Variants in SLC4A10 observed in about 807,000 individuals in gnomAD.
The protein encoded by SLC4A10 is solute carrier family 4 member 10.
SLC4A10 carries 42 observed loss-of-function variants against 137.7 expected under a neutral mutation model. The ratio of observed to expected loss-of-function variants is 0.30; its 90% confidence interval spans 0.24 to 0.39. SLC4A10 has a LOEUF of 0.39. Among genes scored for constraint, SLC4A10 ranks in the 10% least tolerant of loss-of-function variants. The pLI, the probability that SLC4A10 is intolerant of heterozygous loss-of-function variation, is 1.00. For synonymous variants in SLC4A10, 474 were observed against 464.1 expected (o/e 1.02, Z -0.27); for missense variants, 925 against 1,355.0 (o/e 0.68, Z 4.98).
intron 11 of SLC4A10, among the ~76,000 whole-genome samples, chr2:161,898,094 G>A (rs947632134): frequency 6.6e-6 from 1 of 152,050 alleles, no homozygotes; most frequent in Non-Finnish European, 1.5e-5. Flanking sequence ...CAAAGCATCC[G>A]AGTTCTGCAA....
chr2:161,635,710 A>G (rs906056500), intron 1 of SLC4A10, among the ~76,000 whole-genome samples: 1 of 152,138 alleles, frequency 6.6e-6, no homozygotes, highest in Non-Finnish European at 1.5e-5. Context: ...GTTTTAGTTG[A>G]AAGTTTGCTA....
intron 15 of SLC4A10, among the ~76,000 whole-genome samples, chr2:161,941,192 C>G: frequency 6.6e-6 from 1 of 152,106 alleles, no homozygotes; most frequent in Admixed American, 6.6e-5. Context: ...AACATTTCAC[C>G]AGAGGCTCAA....
intron 15 of SLC4A10, among the ~76,000 whole-genome samples, chr2:161,913,865 A>G (rs1686461011): frequency 6.6e-6 from 1 of 152,186 alleles, no homozygotes; most frequent in Admixed American, 6.5e-5. Flanking sequence ...TGATAATTTT[A>G]CATAGGATAT....
chr2:161,825,063 A>C (rs1280970243), intron 3 of SLC4A10, among the ~76,000 whole-genome samples: 1 of 152,144 alleles, frequency 6.6e-6, no homozygotes, highest in Non-Finnish European at 1.5e-5. Flanking sequence ...TCTCCAGTTT[A>C]TTGTAAAAAT....
chr2:161,627,245 T>A (rs1181265782), intron 1 of SLC4A10, among the ~76,000 whole-genome samples: 1 of 152,096 alleles, frequency 6.6e-6, no homozygotes, highest in Non-Finnish European at 1.5e-5. Context: ...TTATGAGAAG[T>A]GGCTTGTCAG....
At chr2:161,890,718 C>T (rs763543411) in intron 10 of SLC4A10, among the ~76,000 whole-genome samples, 6 of 152,178 alleles carry the variant, frequency 3.9e-5, no homozygotes, top group Non-Finnish European at 7.3e-5. Context: ...GAATACAGCA[C>T]ACCAATGGGT....
intron 21 of SLC4A10, among the ~76,000 whole-genome samples, chr2:161,960,384 A>G (rs1178431003): frequency 2.7e-5 from 4 of 150,236 alleles, no homozygotes; most frequent in Admixed American, 6.6e-5. Context: ...AAAAAAAAAA[A>G]AAGAAGAGGG....
At chr2:161,635,265 T>G (rs1333216220) in intron 1 of SLC4A10, among the ~76,000 whole-genome samples, 15 of 152,074 alleles carry the variant, frequency 9.9e-5, no homozygotes. Flanking sequence ...CCCTCAAAAT[T>G]GCCCTTGTTT....
chr2:161,985,018 G>T lies in SLC4A10; in HGVS notation c.*1866G>T, dbSNP rs1281509152. On this transcript the variant is annotated 3_prime_UTR_variant, in exon 27 of 27. Transcript: ENST00000446997. The stretch of plus-strand genomic sequence containing the variant: ...TTCTGAGTATTTTTATAGTCATTTT[G>T]TTCTTGTGTGAATTTTAAAGCTATC... 4 of 151,940 alleles carry T rather than the reference G, an allele frequency of 2.6e-5. No homozygotes were observed. Among genetic ancestry groups the T allele is most frequent in the African/African-American group, 4.8e-5 (2 of 41,512 alleles). 9.4% of individuals were successfully genotyped at this position (151,940 alleles called of 1,614,324 possible).
intron 1 of SLC4A10, among the ~76,000 whole-genome samples, chr2:161,690,896 A>G (rs1373595637): frequency 2.0e-5 from 3 of 152,120 alleles, no homozygotes; most frequent in Admixed American, 6.6e-5. Flanking sequence ...GCACCCATTT[A>G]CCTGTGTAAC....
intron 1 of SLC4A10, among the ~76,000 whole-genome samples, chr2:161,767,489 T>A (rs1410110871): frequency 6.6e-6 from 1 of 151,672 alleles, no homozygotes; most frequent in Middle Eastern, 3.2e-3. Flanking sequence ...AGCAGTAAAC[T>A]AATCAGAAAA....
chr2:161,962,666 A>G (rs1696921548), intron 21 of SLC4A10, among the ~76,000 whole-genome samples: 1 of 152,212 alleles, frequency 6.6e-6, no homozygotes, highest in Non-Finnish European at 1.5e-5. Context: ...ATATAAATGA[A>G]TATGAATAAA....
At chr2:161,641,922 C>G (rs1226477409) in intron 1 of SLC4A10, among the ~76,000 whole-genome samples, 1 of 151,976 alleles carries the variant, frequency 6.6e-6, no homozygotes, top group Non-Finnish European at 1.5e-5. Context: ...ATTGATTCAG[C>G]CTTGAATGCT....
chr2:161,905,051 A>G (rs914278509), intron 14 of SLC4A10, 142 bp downstream of exon 14: 5 of 763,736 alleles, frequency 6.5e-6, no homozygotes, highest in Admixed American at 3.1e-5. Context: ...TTGCTTCATC[A>G]TGGGAATAGA....
intron 11 of SLC4A10, among the ~76,000 whole-genome samples, chr2:161,899,318 T>C (rs964129104): frequency 1.6e-4 from 25 of 152,222 alleles, no homozygotes; most frequent in African/African-American, 5.1e-4. Flanking sequence ...AGCCTGCCAC[T>C]CTTATTCATT....
intron 2 of SLC4A10, among the ~76,000 whole-genome samples, chr2:161,794,296 G>C (rs1374093991): frequency 6.6e-6 from 1 of 152,078 alleles, no homozygotes; most frequent in Non-Finnish European, 1.5e-5. Flanking sequence ...ATAGGTTCTA[G>C]ATATCTACTA....
intron 1 of SLC4A10, among the ~76,000 whole-genome samples, chr2:161,662,848 G>T (rs2038600485): frequency 6.6e-6 from 1 of 152,106 alleles, no homozygotes; most frequent in Admixed American, 6.5e-5. Flanking sequence ...CATAAATCTT[G>T]GAAGTGTCCA....
chr2:161,807,289 T>C (rs1346968859), intron 3 of SLC4A10, among the ~76,000 whole-genome samples: 1 of 152,174 alleles, frequency 6.6e-6, no homozygotes, highest in African/African-American at 2.4e-5. Context: ...TGCTCTCTCA[T>C]TGAAAGCATA....
At position 161,847,044 on chromosome 2, in the gene SLC4A10, C is replaced by T. The variant is rs144690743; in HGVS notation, c.416+7117C>T. Among the ~76,000 whole-genome samples the T allele has an allele frequency of 4.3e-3, 647 of 150,396 alleles. 2 individuals are homozygous for T. The highest frequency in any genetic ancestry group is 7.3e-3 in the Non-Finnish European group (493 of 67,724). ...TTGAGGCCAGGAGTTCAAGACCAGC[C>T]TGGGTAACATAGTGAGACCCCCATC... On this transcript the variant is annotated intron_variant, in intron 4 of 26. Transcript: ENST00000446997.
Sources: allele counts gnomAD v4.1 joint callset (sites outside exome capture counted in the v4.1 genomes callset), GRCh38; gene constraint gnomAD v4.1.1; transcripts MANE v1.5; gene names NCBI Gene and HGNC (gene_info 2026-07-23, HGNC 2026-07-21).